The following RABGAP1 variants were observed in gnomAD, a reference collection of about 807,000 sequenced individuals.
RABGAP1 encodes the protein rab GTPase-activating protein 1.
RABGAP1 carries 23 observed loss-of-function variants against 137.6 expected under a neutral mutation model. That is an observed-to-expected ratio of 0.17 (90% confidence interval 0.12 to 0.24). The LOEUF is 0.24. Among genes scored for constraint, RABGAP1 ranks in the 10% least tolerant of loss-of-function variants. The pLI is 1.00. For missense variants in RABGAP1, 906 were observed against 1,275.8 expected, an observed-to-expected ratio of 0.71 and a Z score of 4.42; for synonymous variants, 451 against 450.7, an observed-to-expected ratio of 1.00 and a Z score of -0.01.
chr9:123,036,236 T>G (rs1012713284), intron 13 of RABGAP1, among the ~76,000 whole-genome samples: 31 of 152,222 alleles, frequency 2.0e-4, no homozygotes, highest in African/African-American at 6.8e-4. Flanking sequence ...TTTAGAATTT[T>G]ACAGTGAACC....
the RABGAP1 span, among the ~76,000 whole-genome samples, chr9:122,932,934 G>A: frequency 2.8e-4 from 42 of 152,204 alleles, no homozygotes; most frequent in Non-Finnish European, 5.4e-4. Flanking sequence ...CTTCATCTGT[G>A]TGGTCCGAGA....
At chr9:123,008,156 A>G (rs993227651) in intron 10 of RABGAP1, among the ~76,000 whole-genome samples, 28 of 152,154 alleles carry the variant, frequency 1.8e-4, no homozygotes, top group Admixed American at 1.8e-3. Flanking sequence ...AGTTTGGTCC[A>G]GTAATTGACT....
intron 2 of RABGAP1, among the ~76,000 whole-genome samples, chr9:122,977,060 A>G (rs1017688488): frequency 6.6e-6 from 1 of 152,210 alleles, no homozygotes; most frequent in African/African-American, 2.4e-5. Context: ...GACTAATAGG[A>G]TATACTTATG....
intron 2 of RABGAP1, among the ~76,000 whole-genome samples, chr9:122,976,179 G>C (rs1404513295): frequency 1.3e-5 from 2 of 152,100 alleles, no homozygotes; most frequent in Non-Finnish European, 1.5e-5. Context: ...GTTTACAGTA[G>C]CTGCTAAATG....
chr9:123,010,404 A>G lies in RABGAP1; in HGVS notation c.1425A>G (p.Val475=), dbSNP rs747694377. Residue 475 remains valine (V), a synonymous_variant, in exon 11 of 26, where the codon GTA becomes GTG. Transcript: ENST00000373647. Reference sequence around the variant, plus strand: ...ATACTGACACTTTATATGAAGTTGTATGCTTGGAAAGTGAATCAGAAAGAG... The same window carrying G: ...ATACTGACACTTTATATGAAGTTGTGTGCTTGGAAAGTGAATCAGAAAGAG... ...KNNTDTLYEV[V]CLESESERER... is the part of the protein sequence containing the mutation. The G allele has an allele frequency of 2.5e-6, 4 of 1,613,712 alleles. No homozygotes were observed. The highest frequency in any genetic ancestry group is 2.2e-5 in the East Asian group (1 of 44,878).
intron 13 of RABGAP1, among the ~76,000 whole-genome samples, chr9:123,038,156 A>G (rs2032765751): frequency 6.6e-6 from 1 of 152,144 alleles, no homozygotes. Context: ...CAAATGGACT[A>G]GTGTGCTCAA....
chr9:123,016,036 A>G (rs1320058988), intron 12 of RABGAP1, among the ~76,000 whole-genome samples: 1 of 152,190 alleles, frequency 6.6e-6, no homozygotes, highest in Non-Finnish European at 1.5e-5. Context: ...TGTGATAAGT[A>G]TCTAGAATGA....
intron 2 of RABGAP1, among the ~76,000 whole-genome samples, chr9:122,982,144 G>A (rs1439749020): frequency 2.0e-5 from 3 of 151,954 alleles, no homozygotes; most frequent in African/African-American, 7.3e-5. Context: ...GATAATTGTT[G>A]AGTATTGTAT....
chr9:123,083,744 C>T (rs1045009117), intron 19 of RABGAP1, among the ~76,000 whole-genome samples: 6 of 152,176 alleles, frequency 3.9e-5, no homozygotes, highest in African/African-American at 7.2e-5. Flanking sequence ...ATCCTGGCTC[C>T]GCCTCTGCTG....
intron 1 of RABGAP1, among the ~76,000 whole-genome samples, chr9:122,942,300 G>A (rs541833298): frequency 6.6e-6 from 1 of 152,242 alleles, no homozygotes; most frequent in East Asian, 1.9e-4. Context: ...TTTTTTAAAC[G>A]AAGGACGTGT....
intron 13 of RABGAP1, among the ~76,000 whole-genome samples, chr9:123,025,906 A>G (rs2031931828): frequency 6.6e-6 from 1 of 152,092 alleles, no homozygotes; most frequent in Admixed American, 6.5e-5. Context: ...AGAAGCATTA[A>G]GACAATGTTA....
intron 13 of RABGAP1, among the ~76,000 whole-genome samples, chr9:123,055,971 T>A (rs2033676848): frequency 6.6e-6 from 1 of 152,208 alleles, no homozygotes; most frequent in African/African-American, 2.4e-5. Context: ...CAATGTAGGT[T>A]TGTTTTCTTT....
At chr9:123,017,618 C>G (rs1426810926) in intron 12 of RABGAP1, among the ~76,000 whole-genome samples, 2 of 152,128 alleles carry the variant, frequency 1.3e-5, no homozygotes, top group African/African-American at 2.4e-5. Flanking sequence ...GCTGTGTGGT[C>G]TTAGACAAGT....
chr9:123,031,485 A>G (rs1220676385), intron 13 of RABGAP1, among the ~76,000 whole-genome samples: 50 of 152,210 alleles, frequency 3.3e-4, no homozygotes, highest in Admixed American at 3.3e-3. Context: ...TAAAATGTAC[A>G]TTTTGGATAT....
intron 1 of RABGAP1, among the ~76,000 whole-genome samples, chr9:122,941,346 C>A (rs567804503): frequency 3.1e-4 from 47 of 152,340 alleles, no homozygotes; most frequent in Admixed American, 8.5e-4. Flanking sequence ...CAAACCGGTT[C>A]CCCCTGTCTG....
chr9:122,945,258 A>C (rs1213489106), intron 1 of RABGAP1: 1 of 148,366 alleles, frequency 6.7e-6, no homozygotes, highest in Non-Finnish European at 1.5e-5. Flanking sequence ...TTGTAACAAT[A>C]TTGGATAGAC....
At chr9:123,088,149 C>T (rs1290511057) in intron 19 of RABGAP1, among the ~76,000 whole-genome samples, 1 of 151,838 alleles carries the variant, frequency 6.6e-6, no homozygotes, top group Non-Finnish European at 1.5e-5. Flanking sequence ...CTCCTTGGCT[C>T]AAGGGATCCT....
chr9:122,978,698 A>G (rs1056862802), intron 2 of RABGAP1, among the ~76,000 whole-genome samples: 10 of 152,282 alleles, frequency 6.6e-5, no homozygotes, highest in Admixed American at 1.3e-4. Flanking sequence ...TTGGGTAACT[A>G]ATACCTAAGA....
intron 2 of RABGAP1, among the ~76,000 whole-genome samples, chr9:122,977,289 G>A (rs1835812669): frequency 6.6e-6 from 1 of 152,160 alleles, no homozygotes; most frequent in South Asian, 2.1e-4. Context: ...AGATAGAAGG[G>A]AAAAATGGAC....
Sources: allele counts gnomAD v4.1 joint callset (sites outside exome capture counted in the v4.1 genomes callset), GRCh38; gene constraint gnomAD v4.1.1; transcripts MANE v1.5; gene names NCBI Gene and HGNC (gene_info 2026-07-23, HGNC 2026-07-21).